FBXL7: variants seen among roughly 807,000 people sequenced by gnomAD.
FBXL7 encodes F-box/LRR-repeat protein 7.
In FBXL7, 12 loss-of-function variants were observed where a neutral mutation model predicts 38.3. That is an observed-to-expected ratio of 0.31 (90% CI 0.20 to 0.51). The LOEUF (loss-of-function observed/expected upper bound fraction) is 0.51. Ranked by LOEUF, FBXL7 falls within the 20% of genes least tolerant of loss-of-function variation. FBXL7 has a pLI of 0.98. For synonymous variants in FBXL7, 297 were observed against 300.9 expected, an observed-to-expected ratio of 0.99 and a Z score of 0.13; for missense variants, 567 against 676.4, an observed-to-expected ratio of 0.84 and a Z score of 1.79.
Position 15,938,871 on chromosome 5 carries a change from T to G in FBXL7, c.*1685T>G, listed in dbSNP as rs1742271950. On this transcript the variant is annotated 3_prime_UTR_variant, in exon 4 of 4. Transcript: ENST00000504595. Reference sequence around the variant, plus strand: ...CACTTGTCTTTTGCTAATAAACACATGGCCCTTTCCCAGATTATTCTCTAG... The same window carrying G: ...CACTTGTCTTTTGCTAATAAACACAGGGCCCTTTCCCAGATTATTCTCTAG... The G allele has an allele frequency of 2.5e-6, 1 of 397,760 alleles. No homozygotes were observed. The highest frequency in any genetic ancestry group is 1.4e-4 in the South Asian group (1 of 7,338). The allele number at this position is 397,760 out of a possible 1,614,324, so 24.6% of individuals were successfully genotyped here.
chr5:15,831,810 T>C (rs1214930329), intron 2 of FBXL7, among the ~76,000 whole-genome samples: 1 of 152,080 alleles, frequency 6.6e-6, no homozygotes, highest in Non-Finnish European at 1.5e-5. Flanking sequence ...ATCTTTTCTT[T>C]CGGAATGAAG....
At chr5:15,694,784 G>A (rs1044796929) in intron 2 of FBXL7, among the ~76,000 whole-genome samples, 3 of 152,102 alleles carry the variant, frequency 2.0e-5, no homozygotes, top group African/African-American at 7.2e-5. Flanking sequence ...AGGAGGTTGA[G>A]TGGAAAAAAA....
chr5:15,771,921 C>A (rs180754066), intron 2 of FBXL7, among the ~76,000 whole-genome samples: 1 of 152,000 alleles, frequency 6.6e-6, no homozygotes, highest in Admixed American at 6.6e-5. Flanking sequence ...GCGTGTGCCA[C>A]CACACCTGGC....
intron 2 of FBXL7, among the ~76,000 whole-genome samples, chr5:15,744,802 G>A (rs1735973037): frequency 6.6e-6 from 1 of 152,134 alleles, no homozygotes; most frequent in African/African-American, 2.4e-5. Context: ...GAGGCCTCAG[G>A]AAACTTACAA....
chr5:15,783,554 T>C (rs1737054943), intron 2 of FBXL7, among the ~76,000 whole-genome samples: 1 of 151,922 alleles, frequency 6.6e-6, no homozygotes, highest in South Asian at 2.1e-4. Flanking sequence ...AGTAAGACAC[T>C]GCAAAAACAA....
intron 1 of FBXL7, among the ~76,000 whole-genome samples, chr5:15,504,782 C>T (rs780967483): frequency 3.0e-4 from 45 of 152,250 alleles, no homozygotes; most frequent in Admixed American, 2.9e-3. Flanking sequence ...GCTTTGACTC[C>T]AGTTAAGCCA....
At chr5:15,575,877 C>A (rs751788808) in intron 1 of FBXL7, among the ~76,000 whole-genome samples, 4 of 152,116 alleles carry the variant, frequency 2.6e-5, no homozygotes, top group Non-Finnish European at 4.4e-5. Context: ...CTAGTTTCCA[C>A]AAAGAACAAG....
At chr5:15,847,454 G>A (rs561161196) in intron 2 of FBXL7, among the ~76,000 whole-genome samples, 3 of 152,120 alleles carry the variant, frequency 2.0e-5, no homozygotes, top group African/African-American at 7.2e-5. Context: ...CCCATGACAC[G>A]TGGGGATTAT....
In FBXL7 at chr5:15,599,980, T is replaced by C. The variant is rs371938914; in HGVS notation, c.38-16003T>C. On this transcript the variant is annotated intron_variant, in intron 1 of 3. Transcript: ENST00000504595. ...ACACAGGGATTTATACTGAATGAGA[T>C]GGCCAAATACACATATTCAATAAGA... Among the ~76,000 whole-genome samples the C allele has an allele frequency of 2.6e-4, 40 of 152,138 alleles. 1 individual carries two copies. Among genetic ancestry groups the C allele is most frequent in the East Asian group, 2.1e-3 (11 of 5,184 alleles).
chr5:15,724,796 T>C (rs1423276921), intron 2 of FBXL7, among the ~76,000 whole-genome samples: 1 of 152,174 alleles, frequency 6.6e-6, no homozygotes, highest in Non-Finnish European at 1.5e-5. Context: ...TCTTTGCAAA[T>C]ATATTTATAA....
chr5:15,801,944 T>C (rs1737581242), intron 2 of FBXL7, among the ~76,000 whole-genome samples: 1 of 152,042 alleles, frequency 6.6e-6, no homozygotes, highest in African/African-American at 2.4e-5. Flanking sequence ...TCAAGAGATG[T>C]TAGGGACTTC....
chr5:15,515,866 A>G (rs1171453946), intron 1 of FBXL7, among the ~76,000 whole-genome samples: 1 of 152,144 alleles, frequency 6.6e-6, no homozygotes, highest in Non-Finnish European at 1.5e-5. Context: ...CACTCAAATA[A>G]CATTCCACTG....
chr5:15,869,821 ATAAT>A (rs138884315), intron 2 of FBXL7, among the ~76,000 whole-genome samples: 2,056 of 152,278 alleles, frequency 0.014, 29 homozygotes, highest in East Asian at 0.074. Context: ...CATCAAAATA[ATAAT>A]TAAGCTGGCC....
chr5:15,620,413 G>GTT (rs1222509010), intron 2 of FBXL7, among the ~76,000 whole-genome samples: 4 of 95,240 alleles, frequency 4.2e-5, no homozygotes, highest in Admixed American at 1.0e-4. Context: ...TTTGTTTTTT[G>GTT]TTTTTTTTTT....
intron 2 of FBXL7, among the ~76,000 whole-genome samples, chr5:15,733,251 C>T (rs1199529579): frequency 6.6e-6 from 1 of 152,126 alleles, no homozygotes; most frequent in Non-Finnish European, 1.5e-5. Flanking sequence ...CGCCACCACG[C>T]CCGGCTAATT....
intron 2 of FBXL7, among the ~76,000 whole-genome samples, chr5:15,665,063 T>C (rs572452679): frequency 1.4e-3 from 207 of 152,294 alleles, no homozygotes; most frequent in African/African-American, 5.0e-3. Context: ...TTCTTCAGTA[T>C]GTTGAGGTAC....
At chr5:15,814,349 T>G (rs1737953337) in intron 2 of FBXL7, among the ~76,000 whole-genome samples, 1 of 152,070 alleles carries the variant, frequency 6.6e-6, no homozygotes, top group Admixed American at 6.6e-5. Flanking sequence ...ACACTGCATG[T>G]TCTCACTCTT....
intron 2 of FBXL7, among the ~76,000 whole-genome samples, chr5:15,699,553 G>A (rs1046740136): frequency 1.3e-5 from 2 of 152,168 alleles, no homozygotes; most frequent in Admixed American, 1.3e-4. Flanking sequence ...AGCAGCAACC[G>A]TATTTCAAAT....
chr5:15,553,096 A>C (rs1230434944), intron 1 of FBXL7, among the ~76,000 whole-genome samples: 1 of 140,664 alleles, frequency 7.1e-6, no homozygotes, highest in African/African-American at 2.5e-5. Flanking sequence ...AAAAAAACAA[A>C]AAAAAACCCA....
Sources: gnomAD v4.1 joint callset for allele counts (sites outside exome capture counted in the v4.1 genomes callset) on GRCh38, gnomAD v4.1.1 for gene constraint, MANE v1.5 for transcripts, NCBI Gene and HGNC (gene_info 2026-07-23, HGNC 2026-07-21) for gene names.